The following NRG3 variants were observed in gnomAD, a reference collection of about 807,000 sequenced individuals.
The protein encoded by NRG3 is pro-neuregulin-3, membrane-bound isoform.
A neutral mutation model predicts 66.9 loss-of-function variants in NRG3; 31 were observed. The ratio of observed to expected loss-of-function variants is 0.46; its 90% CI spans 0.35 to 0.63. The LOEUF (loss-of-function observed/expected upper bound fraction) is 0.63. Among genes scored for constraint, NRG3 ranks in the 20% least tolerant of loss-of-function variants. The probability of loss-of-function intolerance (pLI) is 0.00; values close to 1 mark genes in which losing one functional copy is unlikely to be tolerated. For synonymous variants in NRG3, 393 were observed against 359.4 expected (o/e 1.09, Z -1.06); for missense variants, 910 against 878.9 (o/e 1.04, Z -0.45).
rs192814254 is a variant in NRG3 at position 82,483,849 on chromosome 10, G to A, written c.953+124981G>A. Among the ~76,000 whole-genome samples, 109 of 152,204 alleles carry A rather than the reference G, an allele frequency of 7.2e-4. No homozygotes were observed. In the East Asian group the frequency reaches 0.011, roughly 15 times the overall value. On this transcript the variant is annotated intron_variant, in intron 2 of 8. Coordinates refer to ENST00000372141, the MANE Select transcript of NRG3 (RefSeq NM_001010848.4). ...CTGCTAGTGTATGGGCACAAACAAG[G>A]GTTTGGAATTTAGAAATGGCAACAA...
intron 1 of NRG3, among the ~76,000 whole-genome samples, chr10:82,294,879 T>G (rs908007477): frequency 2.6e-5 from 4 of 152,208 alleles, no homozygotes; most frequent in African/African-American, 9.7e-5. Context: ...ATTTGTTCCC[T>G]TCTAGCTTTT....
chr10:81,926,917 G>T (rs536745854), intron 1 of NRG3, among the ~76,000 whole-genome samples: 40 of 152,248 alleles, frequency 2.6e-4, no homozygotes, highest in African/African-American at 9.4e-4. Flanking sequence ...CGGAAGAGGG[G>T]TTGTGACAAC....
chr10:82,481,666 G>A (rs563525528), intron 2 of NRG3, among the ~76,000 whole-genome samples: 43 of 152,250 alleles, frequency 2.8e-4, no homozygotes, highest in African/African-American at 8.2e-4. Context: ...ACTGTATGTA[G>A]TTGAAATTAG....
intron 2 of NRG3, among the ~76,000 whole-genome samples, chr10:82,529,373 G>C (rs1159584105): frequency 6.6e-6 from 1 of 152,134 alleles, no homozygotes; most frequent in African/African-American, 2.4e-5. Flanking sequence ...GTAATACATG[G>C]GGCATTACTG....
chr10:82,862,631 C>G (rs1300474348), intron 3 of NRG3, among the ~76,000 whole-genome samples: 1 of 152,164 alleles, frequency 6.6e-6, no homozygotes, highest in African/African-American at 2.4e-5. Flanking sequence ...CCCACTCTGC[C>G]TCTCAGATTT....
At chr10:82,950,774 C>T (rs1340352702) in intron 4 of NRG3, among the ~76,000 whole-genome samples, 2 of 152,122 alleles carry the variant, frequency 1.3e-5, no homozygotes, top group African/African-American at 2.4e-5. Context: ...TAGGTAGATA[C>T]AGGTTAAGAA....
intron 2 of NRG3, among the ~76,000 whole-genome samples, chr10:82,431,816 G>T (rs890449679): frequency 1.3e-5 from 2 of 152,028 alleles, no homozygotes; most frequent in Non-Finnish European, 2.9e-5. Context: ...TACATGTGGA[G>T]AATATTCTTA....
chr10:82,034,233 C>T (rs2062693076), intron 1 of NRG3, among the ~76,000 whole-genome samples: 1 of 152,052 alleles, frequency 6.6e-6, no homozygotes, highest in South Asian at 2.1e-4. Context: ...TAGACAGAGA[C>T]CATATACATG....
At chr10:82,979,587 G>GTTT (rs145571017) in intron 8 of NRG3, among the ~76,000 whole-genome samples, 11,204 of 152,174 alleles carry the variant, frequency 0.074, 484 homozygotes, top group Admixed American at 0.13. Flanking sequence ...TGTTGAGAGT[G>GTTT]TAAAGTCAAA....
chr10:82,515,976 T>C (rs903361582), intron 2 of NRG3, among the ~76,000 whole-genome samples: 1 of 152,144 alleles, frequency 6.6e-6, no homozygotes, highest in Non-Finnish European at 1.5e-5. Context: ...TCCAAGACAG[T>C]TTGTACCAGG....
chr10:82,134,196 C>G (rs535273550), intron 1 of NRG3, among the ~76,000 whole-genome samples: 2 of 152,204 alleles, frequency 1.3e-5, no homozygotes, highest in African/African-American at 4.8e-5. Flanking sequence ...AAAATTTACT[C>G]CCATTCTGTA....
intron 1 of NRG3, among the ~76,000 whole-genome samples, chr10:82,210,244 T>A (rs1239198027): frequency 6.6e-6 from 1 of 152,144 alleles, no homozygotes; most frequent in African/African-American, 2.4e-5. Flanking sequence ...TTGGCCAGGC[T>A]CTCCTCAATG....
At chr10:82,087,369 C>A (rs1184317075) in intron 1 of NRG3, among the ~76,000 whole-genome samples, 1 of 152,128 alleles carries the variant, frequency 6.6e-6, no homozygotes, top group Non-Finnish European at 1.5e-5. Flanking sequence ...CTGACCACAC[C>A]AGTATCTGCT....
At chr10:82,257,807 A>C (rs2077811574) in intron 1 of NRG3, among the ~76,000 whole-genome samples, 1 of 152,178 alleles carries the variant, frequency 6.6e-6, no homozygotes. Context: ...TATGATGTCT[A>C]TCTAACAAAA....
chr10:82,664,903 T>C (rs1301444886), intron 2 of NRG3, among the ~76,000 whole-genome samples: 1 of 151,982 alleles, frequency 6.6e-6, no homozygotes, highest in Non-Finnish European at 1.5e-5. Flanking sequence ...CACAACCAGG[T>C]CTCTCATTCT....
chr10:82,372,885 C>T (rs894533408), intron 2 of NRG3, among the ~76,000 whole-genome samples: 1 of 152,222 alleles, frequency 6.6e-6, no homozygotes. Flanking sequence ...TGCGCCACCA[C>T]ACCTGGCCTG....
At chr10:82,953,643 T>C (rs1849738322) in intron 5 of NRG3, among the ~76,000 whole-genome samples, 1 of 151,988 alleles carries the variant, frequency 6.6e-6, no homozygotes, top group Admixed American at 6.5e-5. Context: ...TATGAACAAG[T>C]ATAATATCTA....
intron 2 of NRG3, among the ~76,000 whole-genome samples, chr10:82,376,386 C>T (rs1205319722): frequency 6.6e-6 from 1 of 152,188 alleles, no homozygotes; most frequent in East Asian, 1.9e-4. Context: ...CTGCCACAGG[C>T]CTCCACTGGG....
At chr10:81,937,916 T>G (rs1275497442) in intron 1 of NRG3, among the ~76,000 whole-genome samples, 1 of 152,100 alleles carries the variant, frequency 6.6e-6, no homozygotes. Context: ...CTAATTTTTA[T>G]ATATGATGTA....
Sources: gnomAD v4.1 joint callset for allele counts (sites outside exome capture counted in the v4.1 genomes callset) on GRCh38, gnomAD v4.1.1 for gene constraint, MANE v1.5 for transcripts, NCBI Gene and HGNC (gene_info 2026-07-23, HGNC 2026-07-21) for gene names.